BLK: variants seen among roughly 807,000 people sequenced by gnomAD.
The protein encoded by BLK is tyrosine-protein kinase Blk.
In BLK, 64 loss-of-function variants were observed where a neutral mutation model predicts 61.8. The observed-to-expected ratio is 1.03, with a 90% CI of 0.85 to 1.27. BLK has a LOEUF of 1.27. BLK is among the 50% of genes most tolerant of loss of function. The probability of loss-of-function intolerance (pLI) is 0.00; values close to 1 mark genes in which losing one functional copy is unlikely to be tolerated. For synonymous variants in BLK, 351 were observed against 272.0 expected (o/e 1.29, Z -2.86); for missense variants, 853 against 660.5 (o/e 1.29, Z -3.19).
chr8:11,556,533 G>T, intron 8 of BLK, 125 bp from the exon 9 acceptor site: 2 of 1,172,064 alleles, frequency 1.7e-6, no homozygotes, highest in South Asian at 1.3e-5. Flanking sequence ...CTCCGGAACT[G>T]CATGTTCCAG....
intron 10 of BLK, chr8:11,561,073 G>A (rs1004520206): frequency 2.9e-5 from 20 of 691,562 alleles, no homozygotes; most frequent in Admixed American, 6.1e-5. Flanking sequence ...GGAGGGGGAG[G>A]GGCACAGGTA....
intron 1 of BLK, among the ~76,000 whole-genome samples, chr8:11,508,269 G>A (rs1001687045): frequency 1.3e-5 from 2 of 152,258 alleles, no homozygotes; most frequent in African/African-American, 2.4e-5. Flanking sequence ...GAAATCACCC[G>A]TGGCTTGCAG....
chr8:11,523,942 T>C (rs534407770), intron 1 of BLK, among the ~76,000 whole-genome samples: 1 of 152,040 alleles, frequency 6.6e-6, no homozygotes, highest in Non-Finnish European at 1.5e-5. Context: ...TTATAAACAT[T>C]AATTTAGCTT....
chr8:11,497,135 AATG>A (rs1798388856), intron 1 of BLK, among the ~76,000 whole-genome samples: 1 of 152,174 alleles, frequency 6.6e-6, no homozygotes, highest in African/African-American at 2.4e-5. Flanking sequence ...AGGAAGAAAA[AATG>A]ATGAAGCCGC....
At chr8:11,507,020 TAACA>T (rs1250753130) in intron 1 of BLK, among the ~76,000 whole-genome samples, 3 of 152,036 alleles carry the variant, frequency 2.0e-5, no homozygotes, top group Non-Finnish European at 4.4e-5. Context: ...GTAGGGAAAA[TAACA>T]AATAGGAGGA....
At chr8:11,518,983 G>A (rs550760868) in intron 1 of BLK, among the ~76,000 whole-genome samples, 8 of 152,122 alleles carry the variant, frequency 5.3e-5, no homozygotes, top group Non-Finnish European at 1.2e-4. Context: ...GGGCCTGTGC[G>A]ATGATTCTGT....
Position 11,556,805 on chromosome 8 carries a change from C to T in BLK, c.920C>T (p.Pro307Leu). ...VRLYAVVTKE[P>L]IYIVTEYMAR... is the part of the protein sequence containing the mutation. ...CTCTACGCAGTGGTCACCAAGGAGC[C>T]CATCTACATTGTCACCGAGTACATG... Residue 307 changes from proline (P) to leucine (L), a missense_variant, in exon 9 of 13, where the codon CCC becomes CTC. Physicochemically the swap from Pro to Leu is moderately conservative, Grantham distance 98. Coordinates refer to ENST00000259089, the MANE Select transcript of BLK (RefSeq NM_001715.3). 1.2e-6 allele frequency: 2 copies of T among 1,614,156 alleles called. No individual in the cohort carries two copies. The highest frequency in any genetic ancestry group is 1.7e-6 in the Non-Finnish European group (2 of 1,180,012).
intron 1 of BLK, among the ~76,000 whole-genome samples, chr8:11,533,995 C>T (rs1198917798): frequency 6.6e-6 from 1 of 152,230 alleles, no homozygotes; most frequent in Admixed American, 6.5e-5. Context: ...GATCCAGAAG[C>T]TCGGCCAATT....
intron 1 of BLK, among the ~76,000 whole-genome samples, chr8:11,520,243 A>T (rs1207835046): frequency 6.6e-6 from 1 of 152,054 alleles, no homozygotes; most frequent in Non-Finnish European, 1.5e-5. Flanking sequence ...TTGGGAGGCT[A>T]AGGTAGGAGG....
At chr8:11,505,704 G>A (rs1166004020) in intron 1 of BLK, among the ~76,000 whole-genome samples, 1 of 152,152 alleles carries the variant, frequency 6.6e-6, no homozygotes, top group Non-Finnish European at 1.5e-5. Context: ...CACCGCACAG[G>A]GTAAAGCCAC....
At position 11,505,435 on chromosome 8, in the gene BLK, C is replaced by A. The variant is rs555344213; in HGVS notation, c.-2+10844C>A. Reference sequence around the variant, plus strand: ...GTGACCTGCCAAGCCAGAGGGTGACCTGGACACTCATAACTCAATGCAGGG... The same window carrying A: ...GTGACCTGCCAAGCCAGAGGGTGACATGGACACTCATAACTCAATGCAGGG... On this transcript the variant is annotated intron_variant, in intron 1 of 12. Coordinates refer to ENST00000259089, the MANE Select transcript of BLK (RefSeq NM_001715.3). Among the ~76,000 whole-genome samples the A allele has an allele frequency of 1.4e-3, 219 of 152,288 alleles. 2 individuals are homozygous for A. The highest frequency in any genetic ancestry group is 2.7e-3 in the Non-Finnish European group (187 of 68,030).
chr8:11,552,628 C>G (rs1800958593), intron 6 of BLK: 1 of 152,220 alleles, frequency 6.6e-6, no homozygotes, highest in African/African-American at 2.4e-5. Flanking sequence ...TCATCTGTAT[C>G]TCCCGCTCCA....
rs1460405571 is a variant in BLK, at chr8:11,563,112, T to C, written c.1312+2T>C. On this transcript the variant is annotated splice_donor_variant, in intron 12 of 12. Transcript: ENST00000259089. LOFTEE classifies it high-confidence loss of function. ...CTTATGGGCGGGTGCCATACCCAGG[T>C]AGGTGGCTCACCCCGCAGCTCGCGG... 6.2e-7 allele frequency: 1 copy of C among 1,613,654 alleles called. No homozygotes were observed. Among genetic ancestry groups the C allele is most frequent in the African/African-American group, 1.3e-5 (1 of 74,948 alleles).
At position 11,558,022 on chromosome 8, in the gene BLK, T is replaced by C. The variant is rs774876545; in HGVS notation, c.1013T>C (p.Ile338Thr). ...EGSRLSLPRL[I>T]DMSAQIAEGM... ...AGCAGATTGTCACTCCCAAGGCTGA[T>C]TGACATGTCGGCGCAGGTTGGTGAA... is the stretch of plus-strand genomic sequence containing the variant. The change falls in exon 10 of 13, where the codon ATT (isoleucine) becomes ACT (threonine). Residue 338 changes from isoleucine to threonine, a missense_variant. By Grantham distance (89) the Ile-to-Thr change is moderately conservative. Coordinates refer to ENST00000259089, the MANE Select transcript of BLK (RefSeq NM_001715.3). 2.5e-5 allele frequency: 41 copies of C among 1,613,950 alleles called. No individual in the cohort carries two copies. The highest frequency in any genetic ancestry group is 1.3e-4 in the Admixed American group (8 of 60,004).
chr8:11,499,063 C>T (rs1190526085), intron 1 of BLK, among the ~76,000 whole-genome samples: 1 of 152,194 alleles, frequency 6.6e-6, no homozygotes, highest in Non-Finnish European at 1.5e-5. Context: ...GAGCCATGAA[C>T]CTAGACACAG....
intron 1 of BLK, among the ~76,000 whole-genome samples, chr8:11,514,318 C>T (rs899914838): frequency 2.0e-5 from 3 of 152,216 alleles, no homozygotes; most frequent in African/African-American, 7.2e-5. Flanking sequence ...TGAGAAAACC[C>T]ACTTGTCCTT....
At chr8:11,515,406 C>A (rs994689212) in intron 1 of BLK, among the ~76,000 whole-genome samples, 9 of 152,170 alleles carry the variant, frequency 5.9e-5, no homozygotes, top group Admixed American at 2.6e-4. Context: ...CAGGGGTCAG[C>A]CATGTCAGTG....
At chr8:11,529,048 G>A (rs1414918165) in intron 1 of BLK, among the ~76,000 whole-genome samples, 7 of 152,170 alleles carry the variant, frequency 4.6e-5, no homozygotes, top group Admixed American at 1.3e-4. Flanking sequence ...CATAGCACAC[G>A]TTTACATATG....
In BLK at chr8:11,564,418, A is replaced by AGGCCCCCGTGCTGGGC. The variant is rs1004662061; in HGVS notation, c.*311_*326dup. On this transcript the variant is annotated 3_prime_UTR_variant, in exon 13 of 13. Transcript: ENST00000259089. ...ACTGGTAAGCGACTGTCATCAAGTA[A>AGGCCCCCGTGCTGGGC]GGCCCCCGTGCTGGGCACCCCCCGT... 1 of 605,140 alleles carries AGGCCCCCGTGCTGGGC rather than the reference A, an allele frequency of 1.7e-6. No homozygotes were observed. The highest frequency in any genetic ancestry group is 3.5e-5 in the East Asian group (1 of 28,636). The allele number at this position is 605,140 out of a possible 1,614,324, so 37.5% of individuals were successfully genotyped here.
Sources: gnomAD v4.1 joint callset for allele counts (sites outside exome capture counted in the v4.1 genomes callset) on GRCh38, gnomAD v4.1.1 for gene constraint, MANE v1.5 for transcripts, NCBI Gene and HGNC (gene_info 2026-07-23, HGNC 2026-07-21) for gene names.